Variants in SMAP2 observed in about 807,000 individuals in gnomAD.
The protein encoded by SMAP2 is stromal membrane-associated protein 2.
A neutral mutation model predicts 56.4 loss-of-function variants in SMAP2; 25 were observed. The ratio of observed to expected loss-of-function variants is 0.44; its 90% CI spans 0.32 to 0.62. SMAP2 has a LOEUF of 0.62. Ranked by LOEUF, SMAP2 falls within the 20% of genes least tolerant of loss-of-function variation. SMAP2 has a pLI of 0.04. For missense variants in SMAP2, 388 were observed against 545.6 expected, an observed-to-expected ratio of 0.71 and a Z score of 2.88; for synonymous variants, 157 against 181.7, an observed-to-expected ratio of 0.86 and a Z score of 1.09.
At chr1:40,418,801 A>G (rs1645014696) in intron 9 of SMAP2, among the ~76,000 whole-genome samples, 1 of 152,216 alleles carries the variant, frequency 6.6e-6, no homozygotes, top group South Asian at 2.1e-4. Flanking sequence ...GTATTTTACA[A>G]CCAAGCCAGC....
At chr1:40,347,804 A>G (rs1644395393) in intron 1 of SMAP2, among the ~76,000 whole-genome samples, 1 of 152,202 alleles carries the variant, frequency 6.6e-6, no homozygotes, top group African/African-American at 2.4e-5. Flanking sequence ...TCTTCCAGCT[A>G]GTTGCTTTCC....
chr1:40,389,250 A>G (rs1303287376), intron 1 of SMAP2, among the ~76,000 whole-genome samples: 1 of 152,196 alleles, frequency 6.6e-6, no homozygotes, highest in African/African-American at 2.4e-5. Flanking sequence ...TTAGTCCTCT[A>G]AGGAGGTGGA....
At chr1:40,411,897 C>T (rs1351338834) in intron 4 of SMAP2, among the ~76,000 whole-genome samples, 6 of 152,136 alleles carry the variant, frequency 3.9e-5, no homozygotes, top group African/African-American at 7.2e-5. Flanking sequence ...TAATTATCTT[C>T]TTGGTGTGTT....
chr1:40,414,144 ATAT>A lies in SMAP2; in HGVS notation c.490-13_490-11del. 1 of 1,613,266 alleles carries A rather than the reference ATAT, an allele frequency of 6.2e-7. No homozygotes were observed. The highest frequency in any genetic ancestry group is 2.2e-5 in the East Asian group (1 of 44,878). ...CCACCTGCTTATTTCTTGCTATAAC[ATAT>A]TTTCACCTTAGCCACAGAAAAAAGA... On this transcript the variant is annotated splice_polypyrimidine_tract_variant and intron_variant, in intron 5 of 9. Transcript: ENST00000372718.
chr1:40,379,436 C>A (rs771327333), intron 1 of SMAP2, among the ~76,000 whole-genome samples: 1 of 152,126 alleles, frequency 6.6e-6, no homozygotes, highest in Non-Finnish European at 1.5e-5. Flanking sequence ...AGAGCATACA[C>A]TTTCCATGCA....
intron 1 of SMAP2, among the ~76,000 whole-genome samples, chr1:40,387,261 A>G (rs1357225144): frequency 6.6e-6 from 1 of 152,188 alleles, no homozygotes; most frequent in Non-Finnish European, 1.5e-5. Flanking sequence ...TGACATTAAA[A>G]ACGTGTAAAT....
intron 1 of SMAP2, among the ~76,000 whole-genome samples, chr1:40,361,701 C>T (rs1248920693): frequency 2.0e-5 from 3 of 152,094 alleles, no homozygotes; most frequent in Non-Finnish European, 2.9e-5. Context: ...GAGTACTTTC[C>T]GTGGGCCTGG....
chr1:40,374,635 G>A lies in SMAP2; in HGVS notation c.103+412G>A. On this transcript the variant is annotated intron_variant, in intron 1 of 9. Coordinates refer to ENST00000372718, the MANE Select transcript of SMAP2 (RefSeq NM_022733.3). This position sits in a 1 kb window ranked among gnomAD's most constrained non-coding sequence, Gnocchi z 5.9. ...TGTGTGTGTGTGTGTGAGAGAGAGA[G>A]AGAGAGAATGACGAGGAGGAGGAGG... 1 of 1,519,822 alleles carries A rather than the reference G, an allele frequency of 6.6e-7. No homozygotes were observed. Among genetic ancestry groups the A allele is most frequent in the Non-Finnish European group, 8.9e-7 (1 of 1,119,848 alleles). The allele number at this position is 1,519,822 out of a possible 1,614,324, so 94.1% of individuals were successfully genotyped here. A position where few individuals can be genotyped will look rare whatever the true frequency, so the allele number is the denominator to read the frequency against.
intron 1 of SMAP2, among the ~76,000 whole-genome samples, chr1:40,345,935 A>ATTATATTATATTATATTATATT (rs1553187233): frequency 7.0e-6 from 1 of 143,442 alleles, no homozygotes; most frequent in Non-Finnish European, 1.5e-5. Flanking sequence ...ATTATATTAG[A>ATTATATTATATTATATTATATT]AAGTAGTCTT....
In SMAP2 at chr1:40,422,050, C is replaced by A. The variant is rs566017456; in HGVS notation, c.1239C>A (p.Gly413=). 18 of 1,614,066 alleles carry A rather than the reference C, an allele frequency of 1.1e-5. No homozygotes were observed. Among genetic ancestry groups the A allele is most frequent in the Non-Finnish European group, 1.5e-5 (18 of 1,179,998 alleles). ...GMMNYGQSMS[G]GNGQAANQTL... ...TGAACTATGGACAGTCAATGAGTGG[C>A]GGAAATGGACAGGCAGCAAATCAGA... The change falls in exon 10 of 10, where the codon GGC becomes GGA. Residue 413 remains glycine, a synonymous_variant. Transcript: ENST00000372718.
At chr1:40,410,272 A>G (rs1644922296) in intron 4 of SMAP2, among the ~76,000 whole-genome samples, 1 of 151,910 alleles carries the variant, frequency 6.6e-6, no homozygotes. Context: ...CAAAAGTAAA[A>G]AGTGCCAGTT....
chr1:40,345,122 G>T (rs139955410), intron 1 of SMAP2, among the ~76,000 whole-genome samples: 85 of 152,026 alleles, frequency 5.6e-4, no homozygotes, highest in African/African-American at 2.0e-3. Flanking sequence ...GCAAAATAAG[G>T]GCTGGGCATA....
intron 1 of SMAP2, among the ~76,000 whole-genome samples, chr1:40,396,453 T>G (rs1470711679): frequency 6.6e-6 from 1 of 152,244 alleles, no homozygotes; most frequent in Non-Finnish European, 1.5e-5. Context: ...GATTTACCTT[T>G]ATTCTCTAAC....
Position 40,413,048 on chromosome 1 carries a change from C to T in SMAP2, c.435C>T (p.Ser145=), listed in dbSNP as rs763648159. Residue 145 remains serine (S), a synonymous_variant, in exon 5 of 10, where the codon AGC becomes AGT. Coordinates refer to ENST00000372718, the MANE Select transcript of SMAP2 (RefSeq NM_022733.3). ...KEKDDKWKRG[S]EPVPEKKLEP... ...AAGATGACAAGTGGAAAAGAGGGAGCGAACCAGTTCCAGAAAAAAAATTGG... is the reference window on the plus strand; with the variant it reads ...AAGATGACAAGTGGAAAAGAGGGAGTGAACCAGTTCCAGAAAAAAAATTGG... 11 of 1,612,796 alleles carry T rather than the reference C, an allele frequency of 6.8e-6. No homozygotes were observed. Among genetic ancestry groups the T allele is most frequent in the South Asian group, 4.4e-5 (4 of 90,960 alleles).
intron 1 of SMAP2, among the ~76,000 whole-genome samples, chr1:40,348,921 C>A (rs1644399711): frequency 6.6e-6 from 1 of 152,064 alleles, no homozygotes; most frequent in African/African-American, 2.4e-5. Flanking sequence ...CAGGCACATG[C>A]CACCAGACCC....
chr1:40,354,995 G>A (rs187197016), intron 1 of SMAP2, among the ~76,000 whole-genome samples: 2 of 151,590 alleles, frequency 1.3e-5, no homozygotes, highest in East Asian at 3.9e-4. Flanking sequence ...TGTTTGTCAG[G>A]CTGGTCTCAA....
At chr1:40,415,586 G>A (rs1409731098) in intron 7 of SMAP2, among the ~76,000 whole-genome samples, 1 of 152,132 alleles carries the variant, frequency 6.6e-6, no homozygotes, top group Non-Finnish European at 1.5e-5. Flanking sequence ...AAAAGGGTGG[G>A]CCATTTGAGT....
chr1:40,412,877 C>T, intron 4 of SMAP2, 139 bp from the exon 5 acceptor site: 10 of 626,272 alleles, frequency 1.6e-5, no homozygotes, highest in East Asian at 1.2e-4. Flanking sequence ...CACCAAGACA[C>T]CGCCCCCCAA....
At chr1:40,356,943 A>G (rs1316568779) in intron 1 of SMAP2, among the ~76,000 whole-genome samples, 1 of 152,068 alleles carries the variant, frequency 6.6e-6, no homozygotes, top group Non-Finnish European at 1.5e-5. Context: ...TCATATACCT[A>G]TTTGACCTTT....
Sources: gnomAD v4.1 joint callset for allele counts (sites outside exome capture counted in the v4.1 genomes callset) on GRCh38, gnomAD v4.1.1 for gene constraint, Gnocchi (gnomAD v3.1) non-coding constraint, MANE v1.5 for transcripts, NCBI Gene and HGNC (gene_info 2026-07-23, HGNC 2026-07-21) for gene names.